Variants in RGS5 observed in about 807,000 individuals in gnomAD.
The protein encoded by RGS5 is regulator of G protein signaling 5.
A neutral mutation model predicts 18.9 loss-of-function variants in RGS5; 20 were observed. The observed-to-expected ratio is 1.06, with a 90% confidence interval of 0.74 to 1.54. The LOEUF is 1.54. RGS5 is among the 40% of genes most tolerant of loss of function. The pLI, the probability that RGS5 is intolerant of heterozygous loss-of-function variation, is 0.00. For synonymous variants in RGS5, 57 were observed against 76.2 expected (o/e 0.75, Z 1.31); for missense variants, 201 against 211.8 (o/e 0.95, Z 0.32).
At chr1:163,197,949 C>T (rs1245396333) in intron 1 of RGS5, among the ~76,000 whole-genome samples, 1 of 152,040 alleles carries the variant, frequency 6.6e-6, no homozygotes. Context: ...CAAGGATGTG[C>T]TTATGCCTTT....
intron 2 of RGS5, among the ~76,000 whole-genome samples, chr1:163,271,421 C>T (rs1272404081): frequency 6.6e-6 from 1 of 152,114 alleles, no homozygotes; most frequent in Non-Finnish European, 1.5e-5. Context: ...GGCTCGCTGT[C>T]TCTGCCATGT....
intron 2 of RGS5, among the ~76,000 whole-genome samples, chr1:163,268,298 A>G (rs758851431): frequency 1.3e-5 from 2 of 152,178 alleles, no homozygotes; most frequent in Admixed American, 1.3e-4. Flanking sequence ...ACCCAGAGCC[A>G]TGGGATTCTT....
chr1:163,150,246 C>T (rs1188667237), intron 4 of RGS5, among the ~76,000 whole-genome samples: 1 of 152,076 alleles, frequency 6.6e-6, no homozygotes, highest in East Asian at 1.9e-4. Context: ...ATTTATTTGT[C>T]CCTATAACTC....
chr1:163,273,510 G>A (rs1183360043), intron 2 of RGS5, among the ~76,000 whole-genome samples: 1 of 151,846 alleles, frequency 6.6e-6, no homozygotes, highest in African/African-American at 2.4e-5. Flanking sequence ...ACTTCCAGTT[G>A]GTTCTTTTAT....
intron 2 of RGS5, among the ~76,000 whole-genome samples, chr1:163,243,995 T>C (rs1647867915): frequency 6.6e-6 from 1 of 152,244 alleles, no homozygotes; most frequent in Non-Finnish European, 1.5e-5. Flanking sequence ...TGTTTACTTT[T>C]AAGTTTTGTT....
chr1:163,266,183 C>T (rs1263500626), intron 2 of RGS5, among the ~76,000 whole-genome samples: 2 of 152,102 alleles, frequency 1.3e-5, no homozygotes, highest in Non-Finnish European at 2.9e-5. Context: ...CAGACCCCGG[C>T]ATCTAAGTTA....
At position 163,144,249 on chromosome 1, in the gene RGS5, T is replaced by G. The variant is rs191289921; in HGVS notation, c.*3093A>C. The G allele has an allele frequency of 6.6e-6, 1 of 152,252 alleles. No homozygotes were observed. Among genetic ancestry groups the G allele is most frequent in the East Asian group, 1.9e-4 (1 of 5,170 alleles). The allele number at this position is 152,252 out of a possible 1,614,324, so 9.4% of individuals were successfully genotyped here. The stretch of plus-strand genomic sequence containing the variant: ...TATGTGTGGCGGGGAAGATGGAAGA[T>G]TATTCACATGCTTGAAGGCTATTCA... On this transcript the variant is annotated 3_prime_UTR_variant, in exon 5 of 5. Transcript: ENST00000313961.
intron 1 of RGS5, among the ~76,000 whole-genome samples, chr1:163,208,319 G>C (rs145601502): frequency 0.07 from 7,903 of 113,582 alleles, 289 homozygotes; most frequent in Middle Eastern, 0.18. Context: ...CTGCACTCCA[G>C]CCTGAGCGAC....
At chr1:163,313,468 G>A (rs1041740873) in intron 1 of RGS5, among the ~76,000 whole-genome samples, 6 of 152,072 alleles carry the variant, frequency 3.9e-5, no homozygotes, top group African/African-American at 1.4e-4. Flanking sequence ...GAAAGGGATG[G>A]GAGAGACCCT....
At position 163,217,535 on chromosome 1, in the gene RGS5, C is replaced by T. The variant is rs1206857444; in HGVS notation, c.60G>A (p.Trp20Ter). 2 of 1,538,880 alleles carry T rather than the reference C, an allele frequency of 1.3e-6. No individual in the cohort carries two copies. Among genetic ancestry groups the T allele is most frequent in the Admixed American group, 2.1e-5 (1 of 47,712 alleles). Residue 20 changes from tryptophan to a stop codon, truncating the protein, a stop_gained, in exon 1 of 6, where the codon TGG (tryptophan) becomes TGA (stop). Transcript: ENST00000367903. LOFTEE classifies it high-confidence loss of function. Reference sequence around the variant, plus strand: ...TAATATTTGTACATACATTGATATGCCAATGAGCACTGTGCATCTGTAAGA... The same window carrying T: ...TAATATTTGTACATACATTGATATGTCAATGAGCACTGTGCATCTGTAAGA...
intron 2 of RGS5, among the ~76,000 whole-genome samples, chr1:163,258,738 G>A (rs1204606069): frequency 1.3e-5 from 2 of 151,858 alleles, no homozygotes; most frequent in African/African-American, 4.8e-5. Flanking sequence ...TGCAATGATA[G>A]CTCACTGCAG....
chr1:163,317,021 A>C (rs1365225981), intron 1 of RGS5, among the ~76,000 whole-genome samples: 3 of 152,290 alleles, frequency 2.0e-5, no homozygotes, highest in African/African-American at 7.2e-5. Context: ...ATATAACATA[A>C]ACTTTTTTTT....
At chr1:163,308,672 G>C (rs1649770872) in intron 1 of RGS5, 1 of 152,086 alleles carries the variant, frequency 6.6e-6, no homozygotes, top group Non-Finnish European at 1.5e-5. Flanking sequence ...CTCAGTCTTT[G>C]ACTTTAAAGG....
At position 163,147,084 on chromosome 1, in the gene RGS5, A is replaced by C; in HGVS notation, c.*258T>G. 1 of 305,722 alleles carries C rather than the reference A, an allele frequency of 3.3e-6. No individual in the cohort carries two copies. The highest frequency in any genetic ancestry group is 6.0e-6 in the Non-Finnish European group (1 of 167,770). The allele number at this position is 305,722 out of a possible 1,614,324, so 18.9% of individuals were successfully genotyped here. On this transcript the variant is annotated 3_prime_UTR_variant, in exon 5 of 5. Coordinates refer to ENST00000313961, the MANE Select transcript of RGS5 (RefSeq NM_003617.4). ...TAGGCAGGATTTTTCTGTGATTCTG[A>C]TTGTGTCTGACTACAAGCTGAAGAT... is the stretch of plus-strand genomic sequence containing the variant.
intron 2 of RGS5, among the ~76,000 whole-genome samples, chr1:163,240,437 A>C (rs1348014159): frequency 2.6e-5 from 4 of 152,088 alleles, no homozygotes; most frequent in African/African-American, 9.7e-5. Flanking sequence ...GGGAAAAAAA[A>C]AAAAACTAGA....
chr1:163,270,028 T>G (rs1400894803), intron 2 of RGS5, among the ~76,000 whole-genome samples: 1 of 152,138 alleles, frequency 6.6e-6, no homozygotes, highest in East Asian at 1.9e-4. Flanking sequence ...AGACTAAGTC[T>G]CACTGTCACT....
intron 1 of RGS5, among the ~76,000 whole-genome samples, chr1:163,192,232 G>T (rs1659388961): frequency 6.6e-6 from 1 of 152,174 alleles, no homozygotes; most frequent in Non-Finnish European, 1.5e-5. Context: ...CTTACAACTG[G>T]CATCTGAAGT....
chr1:163,207,514 G>A (rs2101667226), upstream of RGS5, among the ~76,000 whole-genome samples: 1 of 152,150 alleles, frequency 6.6e-6, no homozygotes, highest in East Asian at 1.9e-4. Context: ...ATTTTTTCCA[G>A]TGACAGGCAA....
At chr1:163,270,591 A>G (rs1362550131) in intron 2 of RGS5, among the ~76,000 whole-genome samples, 1 of 152,144 alleles carries the variant, frequency 6.6e-6, no homozygotes, top group Non-Finnish European at 1.5e-5. Context: ...AATTTGTGGA[A>G]GCCAGAAAAT....
Sources: gnomAD v4.1 joint callset for allele counts (sites outside exome capture counted in the v4.1 genomes callset) on GRCh38, gnomAD v4.1.1 for gene constraint, MANE v1.5 for transcripts, NCBI Gene and HGNC (gene_info 2026-07-23, HGNC 2026-07-21) for gene names.